The following AP1B1 variants were observed in gnomAD, a reference collection of about 807,000 sequenced individuals.
The protein encoded by AP1B1 is adaptor related protein complex 1 subunit beta 1.
A neutral mutation model predicts 104.3 loss-of-function variants in AP1B1; 36 were observed. That is an observed-to-expected ratio of 0.35 (90% CI 0.26 to 0.46). The LOEUF is 0.46. Ranked by LOEUF, AP1B1 falls within the 20% of genes least tolerant of loss-of-function variation. The pLI, the probability that AP1B1 is intolerant of heterozygous loss-of-function variation, is 1.00. For missense variants in AP1B1, 901 were observed against 1,247.9 expected, an observed-to-expected ratio of 0.72 and a Z score of 4.19; for synonymous variants, 504 against 517.5, an observed-to-expected ratio of 0.97 and a Z score of 0.35.
intron 1 of AP1B1, among the ~76,000 whole-genome samples, chr22:29,371,166 C>T (rs2062229242): frequency 6.6e-6 from 1 of 152,174 alleles, no homozygotes; most frequent in South Asian, 2.1e-4. Context: ...GTCCTTTCTC[C>T]ATTGTGAGCA....
In AP1B1 at chr22:29,330,678, ATCCT is replaced by A. The variant is rs751221758; in HGVS notation, c.2552_2555del (p.Lys851IlefsTer49). 1 of 1,613,664 alleles carries A rather than the reference ATCCT, an allele frequency of 6.2e-7. No homozygotes were observed. The highest frequency in any genetic ancestry group is 1.7e-5 in the Admixed American group (1 of 60,010). On this transcript the variant is annotated frameshift_variant, in exon 20 of 23. Transcript: ENST00000357586. LOFTEE classifies it high-confidence loss of function. ...ACTGGGCCTCATTCTCATTGGGAAT[ATCCT>A]TCCATGTGGCCAGGAACATCTGCCG...
intron 4 of AP1B1, 129 bp downstream of exon 4, chr22:29,359,695 G>T: frequency 1.6e-6 from 2 of 1,227,328 alleles, no homozygotes; most frequent in Non-Finnish European, 2.2e-6. Flanking sequence ...AGGCCTGCAG[G>T]CTGGGCGGGC....
intron 14 of AP1B1, 80 bp from the exon 15 acceptor site, chr22:29,339,854 A>G: frequency 3.5e-6 from 5 of 1,426,888 alleles, no homozygotes; most frequent in Non-Finnish European, 4.8e-6. Context: ...ACAGAGAAAC[A>G]AGAGAGAGAA....
chr22:29,329,790 A>C (rs2061529675), intron 21 of AP1B1, 70 bp from the exon 22 acceptor site: 1 of 1,604,210 alleles, frequency 6.2e-7, no homozygotes, highest in African/African-American at 1.3e-5. Flanking sequence ...AGTTACCACC[A>C]CCGAAGCCAC....
chr22:29,373,452 C>T (rs1238362964), intron 1 of AP1B1, among the ~76,000 whole-genome samples: 6 of 151,926 alleles, frequency 3.9e-5, no homozygotes, highest in Admixed American at 2.6e-4. Flanking sequence ...ACCTAAGCTA[C>T]GGTGATAACA....
At chr22:29,340,425 T>C (rs1431223934) in intron 14 of AP1B1, among the ~76,000 whole-genome samples, 6 of 152,160 alleles carry the variant, frequency 3.9e-5, no homozygotes, top group African/African-American at 1.4e-4. Flanking sequence ...AGTGGAATCC[T>C]GTCTGCCTCT....
intron 17 of AP1B1, 195 bp from the exon 18 acceptor site, chr22:29,332,111 G>T: frequency 1.8e-6 from 1 of 561,252 alleles, no homozygotes; most frequent in Non-Finnish European, 3.1e-6. Flanking sequence ...TGGACAGAAA[G>T]AAAGAGCCCC....
intron 1 of AP1B1, among the ~76,000 whole-genome samples, 192 bp from the exon 2 acceptor site, chr22:29,367,462 C>CT (rs368171561): frequency 1.0e-3 from 148 of 142,526 alleles, no homozygotes; most frequent in Non-Finnish European, 1.2e-3. Context: ...ATCTATCAAC[C>CT]TTTTTTTTTT....
In AP1B1 at chr22:29,342,351, T is replaced by C. The variant is rs141089269; in HGVS notation, c.1470A>G (p.Lys490=). The C allele has an allele frequency of 2.8e-4, 456 of 1,613,864 alleles. No individual in the cohort carries two copies. The highest frequency in any genetic ancestry group is 3.6e-4 in the Non-Finnish European group (430 of 1,179,992). The change falls in exon 12 of 23, where the codon AAA becomes AAG. Residue 490 remains lysine (K), a synonymous_variant. Transcript: ENST00000357586. Reference sequence around the variant, plus strand: ...TCTCTGTTGGCTTCTTTAGAAAGAGTTTCACAATGGCTGTCAGCAGCTGCA... The same window carrying C: ...TCTCTGTTGGCTTCTTTAGAAAGAGCTTCACAATGGCTGTCAGCAGCTGCA... ...VQLQLLTAIV[K]LFLKKPTETQ...
chr22:29,359,486 G>A (rs539775732), intron 4 of AP1B1, among the ~76,000 whole-genome samples: 3 of 152,382 alleles, frequency 2.0e-5, no homozygotes, highest in East Asian at 1.9e-4. Flanking sequence ...GACAGAAAAT[G>A]GAGAAAGCAG....
chr22:29,337,730 A>T (rs1396939782), intron 16 of AP1B1, among the ~76,000 whole-genome samples: 1 of 151,282 alleles, frequency 6.6e-6, no homozygotes, highest in African/African-American at 2.4e-5. Context: ...CCCAAACTCA[A>T]CTCTCCTTCC....
At chr22:29,339,275 A>T (rs2061679943) in intron 15 of AP1B1, 142 bp from the exon 16 acceptor site, 2 of 986,478 alleles carry the variant, frequency 2.0e-6, no homozygotes, top group Admixed American at 2.4e-5. Flanking sequence ...TAAATTACAG[A>T]AACAAGACAG....
At position 29,330,611 on chromosome 22, in the gene AP1B1, C is replaced by G. The variant is rs374470929; in HGVS notation, c.2611+12G>C. 1.2e-6 allele frequency: 2 copies of G among 1,613,700 alleles called. No homozygotes were observed. Among genetic ancestry groups the G allele is most frequent in the South Asian group, 2.2e-5 (2 of 91,078 alleles). ...AGGCGAGGGGCTGGGGTCGGGGGCT[C>G]GGAGTCCTCACCTGCATTGAGGGGG... On this transcript the variant is annotated intron_variant, in intron 20 of 22. Coordinates refer to ENST00000357586, the MANE Select transcript of AP1B1 (RefSeq NM_001127.4).
At chr22:29,355,514 T>A (rs1182807832) in intron 6 of AP1B1, among the ~76,000 whole-genome samples, 4 of 152,210 alleles carry the variant, frequency 2.6e-5, no homozygotes, top group Middle Eastern at 3.4e-3. Context: ...TAAATCTTGG[T>A]TCTGCTGCTT....
Position 29,356,460 on chromosome 22 carries a change from T to C in AP1B1, c.682A>G (p.Asn228Asp). ...GQIFILDCLA[N>D]YMPKDDREAQ... is the part of the protein sequence containing the mutation. ...TCGCGGTCGTCCTTGGGCATATAGT[T>C]GGCGAGGCAGTCCAGGATGAAGATC... The change falls in exon 6 of 23, where the codon AAC becomes GAC. Residue 228 changes from asparagine (N) to aspartate (D), a missense_variant. Asn to Asp is a conservative substitution (Grantham distance 23). Coordinates refer to ENST00000357586, the MANE Select transcript of AP1B1 (RefSeq NM_001127.4). 1.2e-6 allele frequency: 2 copies of C among 1,614,180 alleles called. No homozygotes were observed. The highest frequency in any genetic ancestry group is 1.7e-6 in the Non-Finnish European group (2 of 1,180,022).
intron 1 of AP1B1, among the ~76,000 whole-genome samples, chr22:29,384,684 A>G (rs76118806): frequency 2.0e-5 from 3 of 152,034 alleles, no homozygotes; most frequent in Non-Finnish European, 2.9e-5. Flanking sequence ...CCTGGCTAAC[A>G]TGGTGAAACC....
chr22:29,371,284 C>A (rs1332509370), intron 1 of AP1B1, among the ~76,000 whole-genome samples: 2 of 152,200 alleles, frequency 1.3e-5, no homozygotes, highest in Non-Finnish European at 2.9e-5. Flanking sequence ...TCAGTCCTAA[C>A]GGGGCTCAGA....
intron 1 of AP1B1, among the ~76,000 whole-genome samples, chr22:29,381,998 C>T (rs915970872): frequency 6.6e-6 from 1 of 151,750 alleles, no homozygotes; most frequent in Non-Finnish European, 1.5e-5. Flanking sequence ...CAGCGTGATA[C>T]CTCTGATGCT....
At chr22:29,356,291 GGT>G in intron 6 of AP1B1, 133 bp downstream of exon 6, 1 of 917,260 alleles carries the variant, frequency 1.1e-6, no homozygotes, top group Non-Finnish European at 1.6e-6. Context: ...CCTCCCTTTA[GGT>G]GTGTCTGAGG....
Sources: gnomAD v4.1 joint callset for allele counts (sites outside exome capture counted in the v4.1 genomes callset) on GRCh38, gnomAD v4.1.1 for gene constraint, MANE v1.5 for transcripts, NCBI Gene and HGNC (gene_info 2026-07-23, HGNC 2026-07-21) for gene names.